BLTP3A: variants seen among roughly 807,000 people sequenced by gnomAD.
The protein encoded by BLTP3A is ICBP90 binding protein 1.
chr6:34,861,856 G>A, the BLTP3A span, among the ~76,000 whole-genome samples: 1 of 152,152 alleles, frequency 6.6e-6, no homozygotes, highest in South Asian at 2.1e-4. Flanking sequence ...AAGCACTAGG[G>A]TTATAAGCAT....
the BLTP3A span, chr6:34,834,614 TGA>T: frequency 6.9e-7 from 1 of 1,443,790 alleles, no homozygotes; most frequent in Non-Finnish European, 9.4e-7. Context: ...GGATCCCAAC[TGA>T]GAGTGCTGGG....
chr6:34,872,563 T>C, the BLTP3A span: 3 of 1,237,288 alleles, frequency 2.4e-6, no homozygotes, highest in Non-Finnish European at 3.2e-6. Flanking sequence ...TGGGGAGCAC[T>C]CACTTCACTT....
chr6:34,810,992 T>C, the BLTP3A span, among the ~76,000 whole-genome samples: 1 of 152,250 alleles, frequency 6.6e-6, no homozygotes, highest in African/African-American at 2.4e-5. Flanking sequence ...AAAATATTTC[T>C]AGGCTATCAG....
At chr6:34,847,037 C>T in the BLTP3A span, among the ~76,000 whole-genome samples, 1 of 152,080 alleles carries the variant, frequency 6.6e-6, no homozygotes, top group Admixed American at 6.6e-5. Context: ...TTTTGTTCTT[C>T]ATTCTGTGAT....
the BLTP3A span, chr6:34,822,022 G>A: frequency 6.3e-7 from 1 of 1,595,826 alleles, no homozygotes; most frequent in South Asian, 1.1e-5. Flanking sequence ...AGAAGATAAG[G>A]GAGAAAATGA....
chr6:34,813,049 G>A, the BLTP3A span, among the ~76,000 whole-genome samples: 1 of 152,336 alleles, frequency 6.6e-6, no homozygotes, highest in East Asian at 1.9e-4. Flanking sequence ...GGAAAAAATG[G>A]TGAAGGAAGC....
the BLTP3A span, among the ~76,000 whole-genome samples, chr6:34,833,920 CAA>C: frequency 7.8e-3 from 353 of 45,008 alleles, 2 homozygotes; most frequent in South Asian, 0.031. Flanking sequence ...GACTCCGTCT[CAA>C]AAAAAAAAAA....
chr6:34,794,900 T>G, the BLTP3A span, among the ~76,000 whole-genome samples: 6 of 151,854 alleles, frequency 4.0e-5, no homozygotes, highest in South Asian at 2.1e-4. Context: ...TTCCCCTGCC[T>G]TAGCCTCCTG....
chr6:34,802,532 G>T, the BLTP3A span, among the ~76,000 whole-genome samples: 1 of 152,048 alleles, frequency 6.6e-6, no homozygotes, highest in African/African-American at 2.4e-5. Flanking sequence ...ACCATGCTCA[G>T]CTTATTTTTG....
At chr6:34,856,222 A>C in the BLTP3A span, 3 of 1,604,476 alleles carry the variant, frequency 1.9e-6, no homozygotes, top group Non-Finnish European at 2.6e-6. Flanking sequence ...AAATCTTTTC[A>C]CTTCTTCGTT....
the BLTP3A span, chr6:34,855,487 G>A: frequency 2.0e-6 from 2 of 990,622 alleles, no homozygotes; most frequent in African/African-American, 3.2e-5. Context: ...TCACATCCTG[G>A]CCTTTTGGCT....
the BLTP3A span, among the ~76,000 whole-genome samples, chr6:34,843,525 CG>C: frequency 6.6e-6 from 1 of 152,016 alleles, no homozygotes; most frequent in Non-Finnish European, 1.5e-5. Context: ...TGCAGGCATA[CG>C]ATACATAATA....
the BLTP3A span, chr6:34,876,395 G>A: frequency 6.6e-6 from 1 of 152,168 alleles, no homozygotes; most frequent in Non-Finnish European, 1.5e-5. Flanking sequence ...AACTCACTTA[G>A]ATTACTTTCC....
At chr6:34,803,148 C>T in the BLTP3A span, among the ~76,000 whole-genome samples, 1 of 151,624 alleles carries the variant, frequency 6.6e-6, no homozygotes, top group Non-Finnish European at 1.5e-5. Context: ...CGCGCCACTG[C>T]ACTCCAGCCT....
the BLTP3A span, chr6:34,870,816 C>G: frequency 1.9e-6 from 3 of 1,604,786 alleles, no homozygotes; most frequent in Non-Finnish European, 2.6e-6. Context: ...GACTCCCTGG[C>G]CGTTAATTAG....
chr6:34,867,175 T>C, the BLTP3A span: 2 of 1,544,996 alleles, frequency 1.3e-6, no homozygotes, highest in African/African-American at 1.4e-5. Flanking sequence ...AGGTTGGATT[T>C]GAACAGAATA....
At chr6:34,840,117 G>T in the BLTP3A span, among the ~76,000 whole-genome samples, 29,486 of 152,154 alleles carry the variant, frequency 0.19, 3,396 homozygotes, top group African/African-American at 0.31. Flanking sequence ...TGCAGGCCTG[G>T]ACATCTGCCT....
At chr6:34,862,993 C>T in the BLTP3A span, among the ~76,000 whole-genome samples, 4 of 151,600 alleles carry the variant, frequency 2.6e-5, no homozygotes, top group Non-Finnish European at 4.4e-5. Flanking sequence ...ACTGCTGCCT[C>T]GACCTCCCAG....
chr6:34,819,117 G>A, the BLTP3A span, among the ~76,000 whole-genome samples: 1 of 151,286 alleles, frequency 6.6e-6, no homozygotes, highest in Non-Finnish European at 1.5e-5. Context: ...AATTACAGGA[G>A]TGAGATTAAT....
Sources: gnomAD v4.1 joint callset for allele counts (sites outside exome capture counted in the v4.1 genomes callset) on GRCh38, gnomAD v4.1.1 for gene constraint, MANE v1.5 for transcripts, NCBI Gene and HGNC (gene_info 2026-07-23, HGNC 2026-07-21) for gene names.